The following MACROD2 variants were observed in gnomAD, a reference collection of about 807,000 sequenced individuals.
MACROD2 encodes ADP-ribose glycohydrolase MACROD2.
A neutral mutation model predicts 70.4 loss-of-function variants in MACROD2; 36 were observed. The observed-to-expected ratio is 0.51, with a 90% CI of 0.39 to 0.68. The LOEUF (loss-of-function observed/expected upper bound fraction) is 0.68, where lower values mean the gene tolerates loss of function less well. Ranked by LOEUF, MACROD2 falls within the 30% of genes least tolerant of loss-of-function variation. MACROD2 has a pLI of 0.00. For missense variants in MACROD2, 496 were observed against 538.4 expected (o/e 0.92, Z 0.78); for synonymous variants, 172 against 178.8 (o/e 0.96, Z 0.30).
At chr20:15,288,871 A>ATCTG (rs1181829825) in intron 6 of MACROD2, among the ~76,000 whole-genome samples, 17 of 101,588 alleles carry the variant, frequency 1.7e-4, no homozygotes, top group Non-Finnish European at 2.9e-4. Context: ...CTGTCTGTCT[A>ATCTG]TCTATCTATC....
intron 5 of MACROD2, among the ~76,000 whole-genome samples, chr20:15,142,057 A>T (rs1336535862): frequency 1.3e-5 from 2 of 152,156 alleles, no homozygotes; most frequent in Non-Finnish European, 1.5e-5. Context: ...GATTTTTATC[A>T]TTTGAGCATA....
At chr20:14,842,437 G>A (rs2073097135) in intron 5 of MACROD2, among the ~76,000 whole-genome samples, 1 of 151,994 alleles carries the variant, frequency 6.6e-6, no homozygotes, top group Non-Finnish European at 1.5e-5. Context: ...CTTACATGTA[G>A]AGGTATTTTC....
intron 3 of MACROD2, among the ~76,000 whole-genome samples, chr20:14,099,351 GA>G (rs1233564082): frequency 6.6e-6 from 1 of 151,668 alleles, no homozygotes; most frequent in Non-Finnish European, 1.5e-5. Flanking sequence ...TGAATATAGT[GA>G]AGTGTATTTA....
chr20:14,808,734 A>C (rs544934082), intron 5 of MACROD2, among the ~76,000 whole-genome samples: 1 of 151,772 alleles, frequency 6.6e-6, no homozygotes, highest in African/African-American at 2.4e-5. Flanking sequence ...AAAGGGATGG[A>C]GCAAGATTTA....
chr20:14,601,304 A>G (rs575126514), intron 4 of MACROD2, among the ~76,000 whole-genome samples: 155 of 152,228 alleles, frequency 1.0e-3, no homozygotes, highest in Non-Finnish European at 1.7e-3. Context: ...GGAGCATGCA[A>G]CCTAGATCCC....
At chr20:14,815,286 A>G (rs2072761010) in intron 5 of MACROD2, among the ~76,000 whole-genome samples, 1 of 152,124 alleles carries the variant, frequency 6.6e-6, no homozygotes, top group African/African-American at 2.4e-5. Flanking sequence ...CAAAGTATAT[A>G]TTTTAAAGAC....
intron 6 of MACROD2, among the ~76,000 whole-genome samples, chr20:15,236,327 G>C (rs928253989): frequency 2.6e-5 from 4 of 152,168 alleles, no homozygotes; most frequent in East Asian, 1.9e-4. Flanking sequence ...TGGAATGATA[G>C]TAAATTCACA....
chr20:14,062,705 T>C (rs1216452002), intron 2 of MACROD2, among the ~76,000 whole-genome samples: 1 of 152,106 alleles, frequency 6.6e-6, no homozygotes, highest in Non-Finnish European at 1.5e-5. Context: ...AAAAAAGATA[T>C]TTCAAAAGTA....
chr20:14,037,564 A>G (rs1023182789), intron 2 of MACROD2, among the ~76,000 whole-genome samples: 17 of 152,210 alleles, frequency 1.1e-4, no homozygotes, highest in Non-Finnish European at 8.8e-5. Flanking sequence ...ACCCAGCTCA[A>G]AGGAATGGAT....
intron 5 of MACROD2, among the ~76,000 whole-genome samples, chr20:15,055,476 G>A (rs2075477037): frequency 6.6e-6 from 1 of 152,030 alleles, no homozygotes; most frequent in East Asian, 1.9e-4. Context: ...GTGGCCTAAT[G>A]GTTTACAAGA....
chr20:15,055,529 A>T (rs1042175181), intron 5 of MACROD2, among the ~76,000 whole-genome samples: 9 of 152,210 alleles, frequency 5.9e-5, no homozygotes, highest in African/African-American at 2.2e-4. Context: ...CTTCAAATGC[A>T]TTGAAATGAC....
At chr20:14,734,578 C>G (rs1238348905) in intron 5 of MACROD2, among the ~76,000 whole-genome samples, 1 of 148,682 alleles carries the variant, frequency 6.7e-6, no homozygotes, top group Admixed American at 6.7e-5. Context: ...CAGGAAGGTA[C>G]TAACAACTAC....
intron 8 of MACROD2, among the ~76,000 whole-genome samples, chr20:15,728,660 T>A (rs2050899515): frequency 6.6e-6 from 1 of 152,196 alleles, no homozygotes; most frequent in Non-Finnish European, 1.5e-5. Context: ...TATCCATTTC[T>A]TCTAGGTTTT....
intron 3 of MACROD2, among the ~76,000 whole-genome samples, chr20:14,369,855 C>T (rs1373975324): frequency 2.0e-5 from 3 of 152,138 alleles, no homozygotes; most frequent in African/African-American, 7.2e-5. Flanking sequence ...AAAAGATTTT[C>T]TTTCACATAG....
chr20:14,472,766 G>A (rs1416355781), intron 3 of MACROD2, among the ~76,000 whole-genome samples: 9 of 152,146 alleles, frequency 5.9e-5, no homozygotes, highest in Admixed American at 5.9e-4. Context: ...GGGAATGAAG[G>A]CAGAAACACT....
At chr20:14,616,355 C>T (rs1983477021) in intron 4 of MACROD2, among the ~76,000 whole-genome samples, 1 of 152,100 alleles carries the variant, frequency 6.6e-6, no homozygotes, top group Admixed American at 6.6e-5. Flanking sequence ...CTTCCTTCTT[C>T]CCTGTCAAAA....
intron 8 of MACROD2, among the ~76,000 whole-genome samples, chr20:15,707,113 A>C (rs2050545911): frequency 6.6e-6 from 1 of 152,218 alleles, no homozygotes; most frequent in Admixed American, 6.5e-5. Flanking sequence ...TTATGTATAT[A>C]CATACATACA....
chr20:16,014,129 A>C (rs2066899700), intron 15 of MACROD2, among the ~76,000 whole-genome samples: 2 of 152,190 alleles, frequency 1.3e-5, no homozygotes, highest in South Asian at 4.1e-4. Flanking sequence ...GTCTTTGCTA[A>C]ATTTTTTCCT....
intron 6 of MACROD2, among the ~76,000 whole-genome samples, chr20:15,343,455 A>G (rs902864201): frequency 1.3e-5 from 2 of 152,278 alleles, no homozygotes; most frequent in Non-Finnish European, 2.9e-5. Context: ...GCTTCATTAG[A>G]ATGCACCATT....
Sources: allele counts gnomAD v4.1 joint callset (sites outside exome capture counted in the v4.1 genomes callset), GRCh38; gene constraint gnomAD v4.1.1; transcripts MANE v1.5; gene names NCBI Gene and HGNC (gene_info 2026-07-23, HGNC 2026-07-21).